CADPS: variants seen among roughly 807,000 people sequenced by gnomAD.
CADPS encodes the protein calcium dependent secretion activator, also known as calcium-dependent secretion activator 1.
In CADPS, 57 loss-of-function variants were observed where a neutral mutation model predicts 167.3. That is an observed-to-expected ratio of 0.34 (90% CI 0.28 to 0.42). The LOEUF is 0.42. Ranked by LOEUF, CADPS falls within the 20% of genes least tolerant of loss-of-function variation. CADPS has a pLI of 1.00. For missense variants in CADPS, 1,414 were observed against 1,738.1 expected (o/e 0.81, Z 3.32); for synonymous variants, 676 against 635.3 (o/e 1.06, Z -0.96).
At position 62,420,863 on chromosome 3, in the gene CADPS, C is replaced by T. The variant is rs1266066218; in HGVS notation, c.3777+17241G>A. On this transcript the variant is annotated intron_variant, in intron 28 of 29. Coordinates refer to ENST00000383710, the MANE Select transcript of CADPS (RefSeq NM_003716.4). This position sits in a 1 kb window ranked among gnomAD's most constrained non-coding sequence, Gnocchi z 4.1. ...TTCTCTTTATGGGAGGGAGAACGAA[C>T]ACACACACACACACACACACACACA... is the stretch of plus-strand genomic sequence containing the variant. Among the ~76,000 whole-genome samples, 1 of 60,496 alleles carries T rather than the reference C, an allele frequency of 1.7e-5. No homozygotes were observed. Among genetic ancestry groups the T allele is most frequent in the Non-Finnish European group, 3.3e-5 (1 of 30,036 alleles). 39.7% of individuals were successfully genotyped at this position (60,496 alleles called of 152,430 possible). A position where few individuals can be genotyped will look rare whatever the true frequency, so the allele number is the denominator to read the frequency against.
chr3:62,835,831 C>T (rs1343268669), intron 1 of CADPS, among the ~76,000 whole-genome samples: 1 of 152,172 alleles, frequency 6.6e-6, no homozygotes, highest in East Asian at 1.9e-4. Flanking sequence ...AAAGAGAAAA[C>T]AGAAACTGAA....
chr3:62,521,983 C>T (rs1413081345), intron 13 of CADPS, among the ~76,000 whole-genome samples: 1 of 152,190 alleles, frequency 6.6e-6, no homozygotes, highest in Admixed American at 6.5e-5. Context: ...CTAGAATAAA[C>T]AGACGGAATT....
At chr3:62,552,536 C>T (rs369373288) in intron 10 of CADPS, among the ~76,000 whole-genome samples, 1 of 152,162 alleles carries the variant, frequency 6.6e-6, no homozygotes, top group Non-Finnish European at 1.5e-5. Context: ...TTCCTCGTCG[C>T]CTCCTCAATT....
rs74453625 is a variant in CADPS at position 62,739,766 on chromosome 3, C to T, written c.888+13675G>A. Among the ~76,000 whole-genome samples the T allele has an allele frequency of 2.3e-3, 351 of 152,286 alleles. 15 individuals are homozygous for T. The East Asian group carries it at 0.055, about 24-fold the overall frequency. On this transcript the variant is annotated intron_variant, in intron 3 of 29. Transcript: ENST00000383710. ...CAGCATTGATGCCAGAAAGCAAACA[C>T]ACCAGTATAGTTTAGAAAAGTGGAC...
chr3:62,826,291 G>A (rs564741764), intron 1 of CADPS, among the ~76,000 whole-genome samples: 1 of 152,240 alleles, frequency 6.6e-6, no homozygotes, highest in South Asian at 2.1e-4. Flanking sequence ...GTAGAGATCA[G>A]GAGATTATGT....
intron 3 of CADPS, among the ~76,000 whole-genome samples, chr3:62,670,010 A>G (rs903031348): frequency 1.3e-5 from 2 of 152,320 alleles, no homozygotes; most frequent in South Asian, 2.1e-4. Context: ...GATAGAGGGA[A>G]TAATCCTTAG....
intron 3 of CADPS, among the ~76,000 whole-genome samples, chr3:62,668,986 G>A (rs1014949459): frequency 2.0e-5 from 3 of 152,222 alleles, no homozygotes; most frequent in Admixed American, 1.3e-4. Flanking sequence ...GTTCCAGCAA[G>A]TGCCATTCTC....
chr3:62,635,759 T>C (rs980484025), intron 6 of CADPS, among the ~76,000 whole-genome samples: 5 of 152,090 alleles, frequency 3.3e-5, no homozygotes, highest in African/African-American at 1.2e-4. Flanking sequence ...TTTATGGTCA[T>C]CAGTACTCTG....
At chr3:62,713,861 G>T (rs1201797816) in intron 3 of CADPS, among the ~76,000 whole-genome samples, 1 of 152,132 alleles carries the variant, frequency 6.6e-6, no homozygotes, top group Non-Finnish European at 1.5e-5. Context: ...GTTTCTCAGG[G>T]GTTGTGCCCT....
chr3:62,624,413 G>C (rs2063672000), intron 6 of CADPS, among the ~76,000 whole-genome samples: 1 of 151,948 alleles, frequency 6.6e-6, no homozygotes, highest in Non-Finnish European at 1.5e-5. Flanking sequence ...CAGAAAAAAA[G>C]ATGCCAAAAA....
intron 3 of CADPS, among the ~76,000 whole-genome samples, chr3:62,683,192 G>A (rs771263335): frequency 3.3e-5 from 5 of 151,918 alleles, no homozygotes; most frequent in African/African-American, 7.3e-5. Context: ...GCAATAAGAC[G>A]TCATTGAAAA....
At chr3:62,452,503 G>A (rs2058194260) in intron 26 of CADPS, among the ~76,000 whole-genome samples, 1 of 152,044 alleles carries the variant, frequency 6.6e-6, no homozygotes, top group African/African-American at 2.4e-5. Flanking sequence ...TAGACGCAAG[G>A]GACATTCATA....
intron 8 of CADPS, among the ~76,000 whole-genome samples, chr3:62,579,903 A>G (rs1382502813): frequency 6.6e-6 from 1 of 152,116 alleles, no homozygotes; most frequent in African/African-American, 2.4e-5. Context: ...GCAGCAAGTG[A>G]AGGGGAGCAG....
chr3:62,546,213 G>C (rs2076423284), intron 11 of CADPS, among the ~76,000 whole-genome samples: 1 of 151,768 alleles, frequency 6.6e-6, no homozygotes, highest in African/African-American at 2.4e-5. Flanking sequence ...AAATAAATCA[G>C]TGTATAGATT....
chr3:62,558,897 T>A (rs988473934), intron 9 of CADPS, among the ~76,000 whole-genome samples: 4 of 152,204 alleles, frequency 2.6e-5, no homozygotes, highest in African/African-American at 9.7e-5. Context: ...CACATATTAA[T>A]TTTTTGTAAT....
chr3:62,407,766 G>C (rs1283164768), intron 28 of CADPS, among the ~76,000 whole-genome samples: 1 of 152,140 alleles, frequency 6.6e-6, no homozygotes, highest in Non-Finnish European at 1.5e-5. Flanking sequence ...ACAGAGTCTT[G>C]CTCTGTGTTC....
At chr3:62,697,510 T>C (rs967352371) in intron 3 of CADPS, among the ~76,000 whole-genome samples, 1 of 152,152 alleles carries the variant, frequency 6.6e-6, no homozygotes, top group Admixed American at 6.6e-5. Flanking sequence ...TGTTGATTGA[T>C]GGACTTTTGG....
chr3:62,659,436 A>G (rs1436918063), intron 4 of CADPS, among the ~76,000 whole-genome samples: 1 of 152,176 alleles, frequency 6.6e-6, no homozygotes, highest in Non-Finnish European at 1.5e-5. Context: ...AACTAAGCTG[A>G]GGGAAAAGCA....
chr3:62,672,417 G>A (rs533608005), intron 3 of CADPS, among the ~76,000 whole-genome samples: 18 of 152,260 alleles, frequency 1.2e-4, no homozygotes, highest in African/African-American at 3.1e-4. Context: ...TGTCAATAAC[G>A]TTCCACTTCC....
Sources: gnomAD v4.1 joint callset for allele counts (sites outside exome capture counted in the v4.1 genomes callset) on GRCh38, gnomAD v4.1.1 for gene constraint, Gnocchi (gnomAD v3.1) non-coding constraint, MANE v1.5 for transcripts, NCBI Gene and HGNC (gene_info 2026-07-23, HGNC 2026-07-21) for gene names.